Variants in AUTS2 observed in about 807,000 individuals in gnomAD.
AUTS2 encodes autism susceptibility gene 2 protein.
AUTS2 carries 17 observed loss-of-function variants against 112.4 expected under a neutral mutation model. The ratio of observed to expected loss-of-function variants is 0.15; its 90% CI spans 0.10 to 0.23. AUTS2 has a LOEUF of 0.23. Ranked by LOEUF, AUTS2 falls within the 10% of genes least tolerant of loss-of-function variation. The pLI is 1.00. For synonymous variants in AUTS2, 751 were observed against 702.7 expected (o/e 1.07, Z -1.09); for missense variants, 1,510 against 1,701.6 (o/e 0.89, Z 1.98).
At chr7:70,785,399 A>T (rs1205713509) in intron 16 of AUTS2, 1 of 499,364 alleles carries the variant, frequency 2.0e-6, no homozygotes, top group African/African-American at 1.9e-5. Flanking sequence ...GCGGAAAGAA[A>T]CACAAGCTGA....
At chr7:70,491,866 C>T (rs972551939) in intron 5 of AUTS2, among the ~76,000 whole-genome samples, 5 of 152,080 alleles carry the variant, frequency 3.3e-5, no homozygotes, top group Admixed American at 2.0e-4. Flanking sequence ...CCGCCCGCCT[C>T]GGCCTCCCAG....
At chr7:70,624,459 C>A (rs911384609) in intron 5 of AUTS2, among the ~76,000 whole-genome samples, 2 of 152,074 alleles carry the variant, frequency 1.3e-5, no homozygotes, top group African/African-American at 2.4e-5. Flanking sequence ...TAATTTAATT[C>A]TCCTTAAATT....
At chr7:69,728,024 T>C (rs1043310903) in intron 1 of AUTS2, among the ~76,000 whole-genome samples, 12 of 152,288 alleles carry the variant, frequency 7.9e-5, no homozygotes, top group Admixed American at 5.2e-4. Context: ...GGGATTTTAG[T>C]GTGGTACACT....
intron 4 of AUTS2, among the ~76,000 whole-genome samples, chr7:70,278,959 T>A (rs2129610149): frequency 6.6e-6 from 1 of 152,360 alleles, no homozygotes; most frequent in Non-Finnish European, 1.5e-5. Flanking sequence ...CTTAAGTGCT[T>A]TGGCCTCCAG....
intron 6 of AUTS2, among the ~76,000 whole-genome samples, chr7:70,718,443 A>G (rs970269210): frequency 1.2e-4 from 18 of 152,220 alleles, no homozygotes; most frequent in Admixed American, 1.3e-4. Flanking sequence ...CGGGCGGATC[A>G]CTTGAGGTCA....
intron 4 of AUTS2, among the ~76,000 whole-genome samples, chr7:70,422,340 G>T (rs1238217760): frequency 6.6e-6 from 1 of 152,204 alleles, no homozygotes; most frequent in Non-Finnish European, 1.5e-5. Context: ...AGTTGCTCTA[G>T]TTGGCTTGAA....
At chr7:69,851,384 A>T (rs1377377424) in intron 1 of AUTS2, among the ~76,000 whole-genome samples, 2 of 152,156 alleles carry the variant, frequency 1.3e-5, no homozygotes, top group Non-Finnish European at 2.9e-5. Flanking sequence ...AAAATTTTGC[A>T]GGGATTTTGA....
chr7:70,085,538 G>A (rs957362684), intron 2 of AUTS2, among the ~76,000 whole-genome samples: 2 of 151,864 alleles, frequency 1.3e-5, no homozygotes, highest in Non-Finnish European at 2.9e-5. Context: ...GCTAATTTTT[G>A]TATTTTTTAG....
chr7:70,570,452 C>G (rs1033257321), intron 5 of AUTS2, among the ~76,000 whole-genome samples: 1 of 152,156 alleles, frequency 6.6e-6, no homozygotes, highest in African/African-American at 2.4e-5. Context: ...AGTGAAGATC[C>G]TTGCTGTTTC....
At chr7:69,704,160 C>T (rs539895689) in intron 1 of AUTS2, among the ~76,000 whole-genome samples, 1 of 152,310 alleles carries the variant, frequency 6.6e-6, no homozygotes. Context: ...AAATCCCAAA[C>T]TCTGCTGTTG....
intron 6 of AUTS2, among the ~76,000 whole-genome samples, chr7:70,701,541 A>G (rs554684924): frequency 6.6e-6 from 1 of 152,330 alleles, no homozygotes; most frequent in East Asian, 1.9e-4. Flanking sequence ...TCCCTGTGTT[A>G]TAGATGCCAT....
intron 5 of AUTS2, among the ~76,000 whole-genome samples, chr7:70,464,153 C>T (rs559287762): frequency 5.3e-5 from 8 of 152,342 alleles, no homozygotes; most frequent in African/African-American, 1.9e-4. Flanking sequence ...GTCTCTTCAC[C>T]ATCTATTGCA....
chr7:70,194,518 C>T (rs1283804701), intron 4 of AUTS2, among the ~76,000 whole-genome samples: 1 of 152,234 alleles, frequency 6.6e-6, no homozygotes, highest in Non-Finnish European at 1.5e-5. Flanking sequence ...CCATAACTTA[C>T]ATGCTTGTCC....
In AUTS2 at chr7:70,790,433, G is replaced by A; in HGVS notation, c.3217G>A (p.Asp1073Asn). The A allele has an allele frequency of 6.2e-7, 1 of 1,612,530 alleles. No individual in the cohort carries two copies. Among genetic ancestry groups the A allele is most frequent in the Non-Finnish European group, 8.5e-7 (1 of 1,179,338 alleles). Residue 1073 changes from aspartate (D) to asparagine (N), a missense_variant, in exon 19 of 19, where the codon GAC becomes AAC. Around this residue, in one of 3 missense-constraint regions of AUTS2, gnomAD observed 788 missense variants for 797.6 expected, o/e 0.99. Coordinates refer to ENST00000342771, the MANE Select transcript of AUTS2 (RefSeq NM_015570.4). This position sits in a 1 kb window ranked among gnomAD's most constrained non-coding sequence, Gnocchi z 7.6. The stretch of plus-strand genomic sequence containing the variant: ...TTCTTTCCACTGGGACCCCATCCGG[G>A]ACCCCTTGAGGGATCCTTACCGAGA... ...YPSFHWDPIR[D>N]PLRDPYRELD...
intron 4 of AUTS2, among the ~76,000 whole-genome samples, chr7:70,208,011 C>CAAAAAAAA (rs61267230): frequency 4.2e-5 from 2 of 48,016 alleles, no homozygotes; most frequent in Admixed American, 2.3e-4. Flanking sequence ...AACTCCATCT[C>CAAAAAAAA]AAAAAAAAAA....
intron 5 of AUTS2, among the ~76,000 whole-genome samples, chr7:70,595,912 C>A (rs1336321017): frequency 6.6e-6 from 1 of 152,158 alleles, no homozygotes; most frequent in Non-Finnish European, 1.5e-5. Context: ...CGGCCCTCCC[C>A]GCCCCGTGCC....
At chr7:70,011,153 C>T (rs1482776577) in intron 2 of AUTS2, among the ~76,000 whole-genome samples, 1 of 152,152 alleles carries the variant, frequency 6.6e-6, no homozygotes, top group Non-Finnish European at 1.5e-5. Flanking sequence ...TAAATAAAGC[C>T]TGAGGGGAGC....
intron 5 of AUTS2, among the ~76,000 whole-genome samples, chr7:70,513,131 T>C (rs1378617105): frequency 6.6e-6 from 1 of 152,256 alleles, no homozygotes; most frequent in Non-Finnish European, 1.5e-5. Context: ...GTAACAGCCT[T>C]ATTATCACAT....
At chr7:70,134,391 A>G in intron 3 of AUTS2, 145 bp from the exon 4 acceptor site, 1 of 674,852 alleles carries the variant, frequency 1.5e-6, no homozygotes, top group Non-Finnish European at 2.7e-6. Flanking sequence ...TGTTTGTATC[A>G]GTAGCAGATG....
Sources: allele counts gnomAD v4.1 joint callset (sites outside exome capture counted in the v4.1 genomes callset), GRCh38; gene constraint gnomAD v4.1.1; regional missense constraint gnomAD v4.1.1; non-coding constraint Gnocchi (gnomAD v3.1); transcripts MANE v1.5; gene names NCBI Gene and HGNC (gene_info 2026-07-23, HGNC 2026-07-21).